Variants in RORC observed in about 807,000 individuals in gnomAD.
RORC encodes RAR related orphan receptor C.
RORC carries 13 observed loss-of-function variants against 64.5 expected under a neutral mutation model. The observed-to-expected ratio is 0.20, with a 90% CI of 0.13 to 0.32. The LOEUF is 0.32. Ranked by LOEUF, RORC falls within the 10% of genes least tolerant of loss-of-function variation. RORC has a pLI of 1.00. For synonymous variants in RORC, 277 were observed against 259.3 expected (o/e 1.07, Z -0.65); for missense variants, 468 against 669.5 (o/e 0.70, Z 3.32).
At chr1:151,815,925 C>T (rs970123023) in intron 4 of RORC, among the ~76,000 whole-genome samples, 4 of 152,244 alleles carry the variant, frequency 2.6e-5, no homozygotes, top group Non-Finnish European at 5.9e-5. Flanking sequence ...ACATCCTCTT[C>T]TGCTCTCTCT....
At chr1:151,814,352 T>C in intron 6 of RORC, 1 of 495,140 alleles carries the variant, frequency 2.0e-6, no homozygotes, top group Non-Finnish European at 3.6e-6. Context: ...AGGTACAATT[T>C]TAATAGGCAA....
At position 151,830,659 on chromosome 1, in the gene RORC, C is replaced by CACCCACACACACAT. The variant is rs1652372779; in HGVS notation, c.40+1065_40+1066insATGTGTGTGTGGGT. Among the ~76,000 whole-genome samples, 1 of 139,054 alleles carries CACCCACACACACAT rather than the reference C, an allele frequency of 7.2e-6. No individual in the cohort carries two copies. The highest frequency in any genetic ancestry group is 1.6e-5 in the Non-Finnish European group (1 of 64,284). The allele number at this position is 139,054 out of a possible 152,430, so 91.2% of individuals were successfully genotyped here. On this transcript the variant is annotated intron_variant, in intron 1 of 10. Coordinates refer to ENST00000318247, the MANE Select transcript of RORC (RefSeq NM_005060.4). This position sits in a 1 kb window ranked among gnomAD's most constrained non-coding sequence, Gnocchi z 4.0. Reference sequence around the variant, plus strand: ...ACACACACACACACACACACACACACACAGTGCCCTTCTGCCCGGGAGATG... The same window carrying CACCCACACACACAT: ...ACACACACACACACACACACACACACACCCACACACACATACAGTGCCCTTCTGCCCGGGAGATG...
At chr1:151,818,969 C>T (rs1042598711) in intron 2 of RORC, among the ~76,000 whole-genome samples, 3 of 152,144 alleles carry the variant, frequency 2.0e-5, no homozygotes, top group African/African-American at 7.2e-5. Context: ...CTGACCCTGA[C>T]GGGGACAGGG....
chr1:151,823,773 T>C (rs530167496), intron 2 of RORC, among the ~76,000 whole-genome samples: 49 of 152,130 alleles, frequency 3.2e-4, no homozygotes, highest in Non-Finnish European at 5.2e-4. Context: ...CCTGAGTAGC[T>C]GGGACTACAG....
chr1:151,815,122 T>C lies in RORC; in HGVS notation c.602A>G (p.His201Arg). The change falls in exon 5 of 11, where the codon CAC becomes CGC. Residue 201 changes from histidine (H) to arginine (R), a missense_variant. Physicochemically the swap from His to Arg is conservative, Grantham distance 29. Coordinates refer to ENST00000318247, the MANE Select transcript of RORC (RefSeq NM_005060.4). ...GCCCCGCTCAGGGCTGTATTCAAGG[T>C]GGCATGAGGCCCCATTGAGCCCTGC... ...AKAGLNGASCHLEYSPERGKA... is the reference protein window; with the variant it reads ...AKAGLNGASCRLEYSPERGKA... 1 of 1,614,120 alleles carries C rather than the reference T, an allele frequency of 6.2e-7. No homozygotes were observed. Among genetic ancestry groups the C allele is most frequent in the Non-Finnish European group, 8.5e-7 (1 of 1,179,986 alleles).
chr1:151,816,290 A>T (rs1276338818), intron 4 of RORC, among the ~76,000 whole-genome samples: 1 of 152,030 alleles, frequency 6.6e-6, no homozygotes, highest in Admixed American at 6.5e-5. Flanking sequence ...GGAATGGGGG[A>T]TTAGAAAAGG....
In RORC at chr1:151,817,604, C is replaced by T. The variant is rs535015867; in HGVS notation, c.71-324G>A. Among the ~76,000 whole-genome samples, 6 of 152,040 alleles carry T rather than the reference C, an allele frequency of 3.9e-5. No individual in the cohort carries two copies. The South Asian group carries it at 1.2e-3, about 31-fold the overall frequency. On this transcript the variant is annotated intron_variant, in intron 2 of 10. Coordinates refer to ENST00000318247, the MANE Select transcript of RORC (RefSeq NM_005060.4). ...TCGAGTTGAAAAGCTCCAGTTGCCT[C>T]CCTCCCGCCTTGGGACATAGGACTC...
intron 2 of RORC, among the ~76,000 whole-genome samples, chr1:151,824,276 T>G (rs1652106761): frequency 6.6e-6 from 1 of 152,114 alleles, no homozygotes; most frequent in African/African-American, 2.4e-5. Flanking sequence ...CTCTCCTACT[T>G]CCCCGCCTGG....
intron 4 of RORC, among the ~76,000 whole-genome samples, chr1:151,816,462 A>C (rs1364832320): frequency 6.6e-6 from 1 of 152,184 alleles, no homozygotes; most frequent in East Asian, 1.9e-4. Context: ...GCAAAGCCTA[A>C]AGTTGGGGAC....
chr1:151,820,030 G>A (rs920332207), intron 2 of RORC, among the ~76,000 whole-genome samples: 3 of 152,162 alleles, frequency 2.0e-5, no homozygotes, highest in Admixed American at 6.5e-5. Context: ...TAGGGATGGA[G>A]AGACGGCTGC....
In RORC at chr1:151,830,179, G is replaced by C. The variant is rs577024007; in HGVS notation, c.41-721C>G. ...ATACAGACCCCTCTCTGGCTTCCAC[G>C]GGCCAGGCTTCCCTGGCCTACCAGC... On this transcript the variant is annotated intron_variant, in intron 1 of 10. Coordinates refer to ENST00000318247, the MANE Select transcript of RORC (RefSeq NM_005060.4). This position sits in a 1 kb window ranked among gnomAD's most constrained non-coding sequence, Gnocchi z 4.0. 6.6e-6 allele frequency among the ~76,000 whole-genome samples: 1 copy of C among 152,224 alleles called. No homozygotes were observed. Among genetic ancestry groups the C allele is most frequent in the South Asian group, 2.1e-4 (1 of 4,814 alleles).
rs770900276 is a variant in RORC at position 151,831,724 on chromosome 1, C to T, written c.40+1G>A. On this transcript the variant is annotated splice_donor_variant, in intron 1 of 10. Coordinates refer to ENST00000318247, the MANE Select transcript of RORC (RefSeq NM_005060.4). LOFTEE classifies it high-confidence loss of function. Reference sequence around the variant, plus strand: ...TGCAGGCAGGGCCATGGGCCTCTTACCCCGTGAGGCTCGGTGCTGTCTCTG... The same window carrying T: ...TGCAGGCAGGGCCATGGGCCTCTTATCCCGTGAGGCTCGGTGCTGTCTCTG... 5 of 1,610,994 alleles carry T rather than the reference C, an allele frequency of 3.1e-6. No homozygotes were observed. The highest frequency in any genetic ancestry group is 2.7e-5 in the African/African-American group (2 of 74,924).
At chr1:151,826,122 A>C in intron 2 of RORC, 3 of 1,299,728 alleles carry the variant, frequency 2.3e-6, no homozygotes, top group Non-Finnish European at 2.9e-6. Context: ...TGCACCACAC[A>C]GGTGGCCAAG....
chr1:151,813,871 C>A (rs751838329), intron 6 of RORC: 1 of 494,174 alleles, frequency 2.0e-6, no homozygotes, highest in Non-Finnish European at 3.7e-6. Context: ...TGAGATACAG[C>A]TTTGCCCTCC....
At position 151,813,094 on chromosome 1, in the gene RORC, T is replaced by C. The variant is rs533691332; in HGVS notation, c.1175-37A>G. On this transcript the variant is annotated intron_variant, in intron 8 of 10. Transcript: ENST00000318247. ...GAAATGAGAAAAGTGAGAGAGTGGC[T>C]GGAGCGATGGTGCCCGAGGACACCG... 8 of 1,529,344 alleles carry C rather than the reference T, an allele frequency of 5.2e-6. No homozygotes were observed. The South Asian group carries it at 9.0e-5, about 17-fold the overall frequency. The allele number at this position is 1,529,344 out of a possible 1,614,324, so 94.7% of individuals were successfully genotyped here. A position where few individuals can be genotyped will look rare whatever the true frequency, so the allele number is the denominator to read the frequency against.
intron 2 of RORC, among the ~76,000 whole-genome samples, chr1:151,824,871 CCTGGTCTTACA>C (rs1652131159): frequency 6.6e-6 from 1 of 152,220 alleles, no homozygotes; most frequent in Non-Finnish European, 1.5e-5. Context: ...GGCACAAGTG[CCTGGTCTTACA>C]CTGTCAGTCC....
intron 2 of RORC, among the ~76,000 whole-genome samples, chr1:151,821,739 C>T (rs751126418): frequency 1.3e-5 from 2 of 152,122 alleles, no homozygotes; most frequent in Non-Finnish European, 2.9e-5. Flanking sequence ...AAATGCACAC[C>T]GGAGACCTGG....
chr1:151,811,344 C>T lies in RORC; in HGVS notation c.1376G>A (p.Arg459His), dbSNP rs1278756017. The change falls in exon 10 of 11, where the codon CGC becomes CAC. Residue 459 changes from arginine to histidine, a missense_variant. Around this residue, in one of 5 missense-constraint regions of RORC, gnomAD observed 93 missense variants for 116.6 expected, o/e 0.80. Coordinates refer to ENST00000318247, the MANE Select transcript of RORC (RefSeq NM_005060.4). ...AFHHHLCKTH[R>H]QSILAKLPPK... is the part of the protein sequence containing the mutation. ...TCCTACCTTTGCCAGGATGCTTTGG[C>T]GATGAGTCTTGCAGAGATGATGATG... 3.1e-6 allele frequency: 5 copies of T among 1,612,670 alleles called. No homozygotes were observed. The highest frequency in any genetic ancestry group is 4.5e-5 in the East Asian group (2 of 44,880).
chr1:151,807,300 C>T lies in RORC; in HGVS notation c.*172G>A. The T allele has an allele frequency of 1.7e-6, 1 of 601,288 alleles. No individual in the cohort carries two copies. Among genetic ancestry groups the T allele is most frequent in the Non-Finnish European group, 2.9e-6 (1 of 349,888 alleles). The allele number at this position is 601,288 out of a possible 1,614,324, so 37.2% of individuals were successfully genotyped here. On this transcript the variant is annotated 3_prime_UTR_variant, in exon 11 of 11. Coordinates refer to ENST00000318247, the MANE Select transcript of RORC (RefSeq NM_005060.4). The surrounding 1 kb of genome is among the most constrained non-coding windows in gnomAD (Gnocchi z 5.0). ...GCCCCACCCTCTGGCGATTGTCCCACTGCCAGGCCGGCCTGCTGACAGAAA... is the reference window on the plus strand; with the variant it reads ...GCCCCACCCTCTGGCGATTGTCCCATTGCCAGGCCGGCCTGCTGACAGAAA...
Sources: gnomAD v4.1 joint callset for allele counts (sites outside exome capture counted in the v4.1 genomes callset) on GRCh38, gnomAD v4.1.1 for gene constraint, gnomAD v4.1.1 regional missense constraint, Gnocchi (gnomAD v3.1) non-coding constraint, MANE v1.5 for transcripts, NCBI Gene and HGNC (gene_info 2026-07-23, HGNC 2026-07-21) for gene names.